LAMA5: variants seen among roughly 807,000 people sequenced by gnomAD.
LAMA5 encodes laminin subunit alpha 5.
A neutral mutation model predicts 433.4 loss-of-function variants in LAMA5; 260 were observed. The observed-to-expected ratio is 0.60, with a 90% CI of 0.54 to 0.66. The LOEUF is 0.66. Among genes scored for constraint, LAMA5 ranks in the 30% least tolerant of loss-of-function variants. LAMA5 has a pLI of 0.00. For synonymous variants in LAMA5, 2,620 were observed against 2,226.6 expected, an observed-to-expected ratio of 1.18 and a Z score of -4.97; for missense variants, 5,378 against 5,258.5, an observed-to-expected ratio of 1.02 and a Z score of -0.70.
At position 62,324,091 on chromosome 20, in the gene LAMA5, C is replaced by A; in HGVS notation, c.5757G>T (p.Val1919=). Residue 1919 remains valine, a synonymous_variant, in exon 43 of 80, where the codon GTG becomes GTT. Transcript: ENST00000252999. This position sits in a 1 kb window ranked among gnomAD's most constrained non-coding sequence, Gnocchi z 4.4. ...PCVSCPCPLS[V]PSNNFAEGCV... is the part of the protein sequence containing the mutation. ...GGAGGCTGGCTTACTTGTTGGAAGG[C>A]ACTGAGAGGGGGCAGGGGCAGCTGA... The A allele has an allele frequency of 6.6e-7, 1 of 1,513,962 alleles. No homozygotes were observed. The highest frequency in any genetic ancestry group is 1.3e-5 in the South Asian group (1 of 75,402). The allele number at this position is 1,513,962 out of a possible 1,614,324, so 93.8% of individuals were successfully genotyped here. A position where few individuals can be genotyped will look rare whatever the true frequency, so the allele number is the denominator to read the frequency against.
Position 62,312,296 on chromosome 20 carries a change from GA to G in LAMA5, c.9380del (p.Phe3127SerfsTer55). The G allele has an allele frequency of 6.2e-7, 1 of 1,610,804 alleles. No homozygotes were observed. ...CCAGGCGAAGGAAGCCGTGGCCATG[GA>G]AAGTCATGGCGCGCCCCACCTGCGG... ...ADLLVGRAMT[F>X]HGHGFLRLAL... On this transcript the variant is annotated frameshift_variant, in exon 69 of 80. Transcript: ENST00000252999. LOFTEE classifies it high-confidence loss of function.
intron 57 of LAMA5, 36 bp downstream of exon 57, chr20:62,316,635 C>G (rs1986961424): frequency 6.8e-7 from 1 of 1,465,640 alleles, no homozygotes; most frequent in Non-Finnish European, 9.2e-7. Flanking sequence ...AGATGCCCAG[C>G]AGGCCTAAGG....
chr20:62,348,916 A>G (rs1395057739), intron 6 of LAMA5, among the ~76,000 whole-genome samples: 1 of 152,144 alleles, frequency 6.6e-6, no homozygotes, highest in Non-Finnish European at 1.5e-5. Flanking sequence ...CTCCAGGGGA[A>G]AAGAGGTAGG....
rs1282985920 is a variant in LAMA5, at chr20:62,322,673, G to T, written c.6150C>A (p.Arg2050=). 1 of 1,487,298 alleles carries T rather than the reference G, an allele frequency of 6.7e-7. No homozygotes were observed. Among genetic ancestry groups the T allele is most frequent in the Non-Finnish European group, 9.0e-7 (1 of 1,110,696 alleles). The allele number at this position is 1,487,298 out of a possible 1,614,324, so 92.1% of individuals were successfully genotyped here. The part of the protein sequence containing the change: ...CLCKAGVTGR[R]CDRCQEGHFG... ...ACAGCCCTACCTGGCAGCGGTCACA[G>T]CGCCGCCCAGTCACGCCCGCCTTGC... Residue 2050 remains arginine, a synonymous_variant, in exon 46 of 80, where the codon CGC becomes CGA. Transcript: ENST00000252999.
chr20:62,328,832 T>C lies in LAMA5; in HGVS notation c.4447+12A>G. ...TCCCTGCCACTGGGCGCCCAAGGAC[T>C]GGGGTACTCACGCCTGCAGTTGGGG... On this transcript the variant is annotated intron_variant, in intron 34 of 79. Coordinates refer to ENST00000252999, the MANE Select transcript of LAMA5 (RefSeq NM_005560.6). 6.2e-7 allele frequency: 1 copy of C among 1,609,420 alleles called. No individual in the cohort carries two copies. The highest frequency in any genetic ancestry group is 8.5e-7 in the Non-Finnish European group (1 of 1,178,860).
At position 62,316,782 on chromosome 20, in the gene LAMA5, G is replaced by A. The variant is rs377694319; in HGVS notation, c.7654-9C>T. On this transcript the variant is annotated splice_polypyrimidine_tract_variant and intron_variant, in intron 56 of 79. Transcript: ENST00000252999. ...CCCTGCCGCACCACCGTCTGTGGAT[G>A]CCAGGGCAGACCGTGGCTCAGACAC... The A allele has an allele frequency of 5.1e-5, 82 of 1,596,386 alleles. No homozygotes were observed. In the Admixed American group the frequency reaches 6.3e-4, roughly 12 times the overall value.
chr20:62,327,048 C>A (rs1204640283), intron 38 of LAMA5, 82 bp from the exon 39 acceptor site: 20 of 1,174,410 alleles, frequency 1.7e-5, no homozygotes, highest in Non-Finnish European at 2.3e-5. Flanking sequence ...TGGGCACCCC[C>A]AGCACAGAGC....
In LAMA5 at chr20:62,332,712, G is replaced by A. The variant is rs528188237; in HGVS notation, c.3288C>T (p.Asp1096=). Residue 1096 remains aspartate (D), a synonymous_variant, in exon 27 of 80, where the codon GAC becomes GAT. Transcript: ENST00000252999. ...PLITCTGSDV[D]VQLQVAVPQP... is the part of the protein sequence containing the mutation. The stretch of plus-strand genomic sequence containing the variant: ...GTGGCACTGCCACTTGAAGCTGGAC[G>A]TCCACCTGCAGGGAAGGCAGGGTGA... 6.3e-5 allele frequency: 102 copies of A among 1,610,410 alleles called. No homozygotes were observed. Among genetic ancestry groups the A allele is most frequent in the South Asian group, 9.9e-5 (9 of 90,860 alleles).
chr20:62,348,597 ACT>A (rs1261650101), intron 6 of LAMA5, among the ~76,000 whole-genome samples: 2 of 152,050 alleles, frequency 1.3e-5, no homozygotes, highest in African/African-American at 4.8e-5. Flanking sequence ...AGAGTGTGAT[ACT>A]CTGTCTCAAA....
Position 62,317,021 on chromosome 20 carries a change from AT to A in LAMA5, c.7513del (p.Ile2505SerfsTer68). The A allele has an allele frequency of 6.6e-7, 1 of 1,525,050 alleles. No homozygotes were observed. Among genetic ancestry groups the A allele is most frequent in the Non-Finnish European group, 8.8e-7 (1 of 1,134,468 alleles). The allele number at this position is 1,525,050 out of a possible 1,614,324, so 94.5% of individuals were successfully genotyped here. On this transcript the variant is annotated frameshift_variant and splice_region_variant, in exon 56 of 80. Transcript: ENST00000252999. LOFTEE classifies it high-confidence loss of function. ...LGQLALNLSSIILDVNQDRLT... is the reference protein window; with the variant it reads ...LGQLALNLSSXILDVNQDRLT... ...GCGGTCCTGGTTGACGTCCAGGATG[AT>A]GCTGCAGCGGAAGGGAGGGTCGAAG...
In LAMA5 at chr20:62,317,666, T is replaced by C. The variant is rs1408604351; in HGVS notation, c.7352A>G (p.Lys2451Arg). 1.3e-6 allele frequency: 2 copies of C among 1,581,832 alleles called. No homozygotes were observed. Among genetic ancestry groups the C allele is most frequent in the Non-Finnish European group, 1.7e-6 (2 of 1,164,648 alleles). Residue 2451 changes from lysine to arginine, a missense_variant, in exon 54 of 80, where the codon AAG (lysine) becomes AGG (arginine). Physicochemically the swap from Lys to Arg is conservative, Grantham distance 26. Transcript: ENST00000252999. ...FRLLHSLDQA[K>R]EELERLAASL... Reference sequence around the variant, plus strand: ...GGGGCCAGGGGCTGCACTCACCTCCTTAGCCTGGTCCAGGCTGTGCAGCAA... The same window carrying C: ...GGGGCCAGGGGCTGCACTCACCTCCCTAGCCTGGTCCAGGCTGTGCAGCAA...
chr20:62,326,968 TG>T lies in LAMA5; in HGVS notation c.5113-3del, dbSNP rs780343101. On this transcript the variant is annotated splice_region_variant and splice_polypyrimidine_tract_variant and intron_variant, in intron 38 of 79. Coordinates refer to ENST00000252999, the MANE Select transcript of LAMA5 (RefSeq NM_005560.6). ...GAGGGTCCCACCGTAGGATGACACC[TG>T]GAGGCAGGACAGACAGAGGTGACCT... The T allele has an allele frequency of 1.3e-6, 2 of 1,597,508 alleles. No homozygotes were observed. Among genetic ancestry groups the T allele is most frequent in the Non-Finnish European group, 1.7e-6 (2 of 1,168,350 alleles).
At chr20:62,317,575 C>A in intron 54 of LAMA5, 76 bp from the exon 55 acceptor site, 1 of 1,522,890 alleles carries the variant, frequency 6.6e-7, no homozygotes, top group South Asian at 1.3e-5. Context: ...GGGCTCTGCA[C>A]GCAAGTGTGC....
rs531420273 is a variant in LAMA5, at chr20:62,353,389, GT to G, written c.451-139del. The G allele has an allele frequency of 1.7e-3, 1,055 of 630,210 alleles. 7 individuals are homozygous for G. In the African/African-American group the frequency reaches 0.018, roughly 11 times the overall value. The allele number at this position is 630,210 out of a possible 1,614,324, so 39.0% of individuals were successfully genotyped here. Reference sequence around the variant, plus strand: ...CTCGCCGCACAGGGGGCACCTCTGGGTTTGCCTGTGTGGGGCAGACGAACCC... The same window carrying G: ...CTCGCCGCACAGGGGGCACCTCTGGGTTGCCTGTGTGGGGCAGACGAACCC... On this transcript the variant is annotated intron_variant, in intron 2 of 79. Transcript: ENST00000252999.
intron 11 of LAMA5, among the ~76,000 whole-genome samples, chr20:62,340,997 C>T (rs1222535405): frequency 6.6e-6 from 1 of 151,764 alleles, no homozygotes; most frequent in Admixed American, 6.6e-5. Flanking sequence ...CGAGATCGTG[C>T]AACTGGACGC....
rs1568977715 is a variant in LAMA5 at position 62,353,270 on chromosome 20, T to C, written c.451-19A>G. ...GGAAGACCTGTGGGCCGAGAGGGCG[T>C]CAGGGGAGCCAGGGGCGCCTGGATT... On this transcript the variant is annotated intron_variant, in intron 2 of 79. Coordinates refer to ENST00000252999, the MANE Select transcript of LAMA5 (RefSeq NM_005560.6). 1 of 1,557,608 alleles carries C rather than the reference T, an allele frequency of 6.4e-7. No homozygotes were observed. Among genetic ancestry groups the C allele is most frequent in the Middle Eastern group, 1.7e-4 (1 of 5,974 alleles).
Position 62,309,398 on chromosome 20 carries a change from C to T in LAMA5, c.11026G>A (p.Ala3676Thr), listed in dbSNP as rs376263803. 4.8e-5 allele frequency: 76 copies of T among 1,587,738 alleles called. No individual in the cohort carries two copies. Among genetic ancestry groups the T allele is most frequent in the Non-Finnish European group, 5.6e-5 (66 of 1,175,524 alleles). Residue 3676 changes from alanine to threonine, a missense_variant, in exon 80 of 80, where the codon GCC becomes ACC. Coordinates refer to ENST00000252999, the MANE Select transcript of LAMA5 (RefSeq NM_005560.6). ...RRLAVNRSPVAMTRSVEVHGA... is the reference protein window; with the variant it reads ...RRLAVNRSPVTMTRSVEVHGA... ...TGGACCTCCACAGAGCGAGTCATGG[C>T]GACGGGGGACCGGTTCACCGCCAGC...
chr20:62,326,997 C>G, intron 38 of LAMA5, 31 bp from the exon 39 acceptor site: 1 of 1,504,010 alleles, frequency 6.6e-7, no homozygotes, highest in South Asian at 1.2e-5. Flanking sequence ...GGTGACCTGG[C>G]CAGACTCTGG....
intron 1 of LAMA5, among the ~76,000 whole-genome samples, chr20:62,364,029 C>T (rs1986448363): frequency 6.6e-6 from 1 of 152,170 alleles, no homozygotes; most frequent in African/African-American, 2.4e-5. Context: ...TGGGGGCCTC[C>T]CCGGGGTCCC....
Sources: gnomAD v4.1 joint callset for allele counts (sites outside exome capture counted in the v4.1 genomes callset) on GRCh38, gnomAD v4.1.1 for gene constraint, Gnocchi (gnomAD v3.1) non-coding constraint, MANE v1.5 for transcripts, NCBI Gene and HGNC (gene_info 2026-07-23, HGNC 2026-07-21) for gene names.